Variants in PCDH11Y observed in about 807,000 individuals in gnomAD.
PCDH11Y encodes the protein protocadherin-11 Y-linked.
For synonymous variants in PCDH11Y, 9 were observed against 83.6 expected (o/e 0.11, Z 4.87); for missense variants, 12 against 224.8 (o/e 0.05, Z 6.05).
chrY:5,230,933 G>C, intron 2 of PCDH11Y, among the ~76,000 whole-genome samples: 1 of 28,207 alleles, frequency 3.5e-5, no homozygotes, highest in Non-Finnish European at 8.2e-5. Flanking sequence ...ATTAAAGGAT[G>C]ATGATGCATT....
At chrY:5,284,892 G>A in intron 2 of PCDH11Y, among the ~76,000 whole-genome samples, 1 of 23,561 alleles carries the variant, frequency 4.2e-5, no homozygotes, top group Non-Finnish European at 9.9e-5. Context: ...TTGATTCCTG[G>A]GGAATTAATT....
intron 2 of PCDH11Y, among the ~76,000 whole-genome samples, chrY:5,357,546 A>G: frequency 6.2e-5 from 2 of 32,377 alleles, no homozygotes; most frequent in African/African-American, 2.4e-4. Flanking sequence ...TTAGAAGGAA[A>G]ACAACACAAA....
At chrY:5,727,887 C>T in intron 4 of PCDH11Y, among the ~76,000 whole-genome samples, 1 of 32,538 alleles carries the variant, frequency 3.1e-5, no homozygotes, top group Non-Finnish European at 7.6e-5. Context: ...AGAACACTTT[C>T]ATTACTCCCA....
chrY:5,481,478 G>A, intron 2 of PCDH11Y, among the ~76,000 whole-genome samples: 3 of 32,583 alleles, frequency 9.2e-5, no homozygotes, highest in African/African-American at 2.4e-4. Flanking sequence ...GTGCCTATTC[G>A]GCCACCTTGG....
At chrY:5,708,238 A>C in intron 4 of PCDH11Y, among the ~76,000 whole-genome samples, 1 of 33,431 alleles carries the variant, frequency 3.0e-5, no homozygotes, top group African/African-American at 1.2e-4. Flanking sequence ...GACCTCTCCT[A>C]CAAAAAATGC....
intron 2 of PCDH11Y, among the ~76,000 whole-genome samples, chrY:5,280,284 C>A (rs1602898915): frequency 3.1e-5 from 1 of 32,234 alleles, no homozygotes; most frequent in East Asian, 8.2e-4. Flanking sequence ...CTCCTCCCAC[C>A]CTTCACCGTC....
chrY:5,562,532 C>T, intron 3 of PCDH11Y, among the ~76,000 whole-genome samples: 1 of 31,779 alleles, frequency 3.1e-5, no homozygotes, highest in South Asian at 6.9e-4. Flanking sequence ...GAGGCTGAGG[C>T]GGGTGGATCA....
At chrY:5,479,411 G>C in intron 2 of PCDH11Y, among the ~76,000 whole-genome samples, 1 of 33,845 alleles carries the variant, frequency 3.0e-5, no homozygotes, top group East Asian at 7.8e-4. Context: ...CTGTTAGTCT[G>C]ACGGACTTCC....
intron 2 of PCDH11Y, among the ~76,000 whole-genome samples, chrY:5,254,901 T>G: frequency 6.4e-5 from 2 of 31,091 alleles, no homozygotes; most frequent in Admixed American, 6.1e-4. Flanking sequence ...TTTATTTTAG[T>G]TTTTTTTTAA....
intron 2 of PCDH11Y, among the ~76,000 whole-genome samples, chrY:5,233,418 T>C (rs2052970408): frequency 6.7e-3 from 225 of 33,368 alleles, no homozygotes; most frequent in African/African-American, 0.025. Context: ...GATGCCAATA[T>C]GTTTTCTTTA....
intron 4 of PCDH11Y, among the ~76,000 whole-genome samples, chrY:5,676,541 G>C: frequency 3.1e-5 from 1 of 32,080 alleles, no homozygotes; most frequent in Non-Finnish European, 7.6e-5. Context: ...TTTATGCTCT[G>C]CTTCCTCTTA....
At chrY:5,349,050 C>A in intron 2 of PCDH11Y, among the ~76,000 whole-genome samples, 1 of 31,930 alleles carries the variant, frequency 3.1e-5, no homozygotes. Context: ...ATCGCTTGAA[C>A]CTGGGAGATG....
intron 2 of PCDH11Y, among the ~76,000 whole-genome samples, chrY:5,283,830 T>C (rs2053056941): frequency 3.1e-5 from 1 of 31,934 alleles, no homozygotes; most frequent in Non-Finnish European, 7.7e-5. Context: ...AAAACCTAAC[T>C]ATAATAATGA....
At chrY:5,283,561 G>C in intron 2 of PCDH11Y, among the ~76,000 whole-genome samples, 3 of 31,781 alleles carry the variant, frequency 9.4e-5, no homozygotes, top group Admixed American at 6.0e-4. Flanking sequence ...GTTCCCAAGT[G>C]TTTCTAAAAT....
chrY:5,214,360 TG>T (rs2052943434), intron 2 of PCDH11Y, among the ~76,000 whole-genome samples: 1 of 33,116 alleles, frequency 3.0e-5, no homozygotes, highest in African/African-American at 1.2e-4. Flanking sequence ...TTCTTGGATC[TG>T]TAGGTTTGTG....
At chrY:5,283,731 A>G in intron 2 of PCDH11Y, among the ~76,000 whole-genome samples, 1 of 28,674 alleles carries the variant, frequency 3.5e-5, no homozygotes, top group Non-Finnish European at 8.4e-5. Context: ...TGTGCTTAAA[A>G]GCAAAAGGGC....
At chrY:5,434,981 C>A in intron 2 of PCDH11Y, among the ~76,000 whole-genome samples, 2 of 33,333 alleles carry the variant, frequency 6.0e-5, no homozygotes, top group Non-Finnish European at 1.5e-4. Flanking sequence ...ACATATTCAA[C>A]AGGTTACAGG....
intron 4 of PCDH11Y, among the ~76,000 whole-genome samples, chrY:5,726,651 C>T (rs373759532): frequency 6.1e-5 from 2 of 33,012 alleles, no homozygotes; most frequent in South Asian, 1.3e-3. Context: ...TTACATCTCA[C>T]GAAAATTGTT....
At chrY:5,306,584 A>G (rs2053091095) in intron 2 of PCDH11Y, among the ~76,000 whole-genome samples, 17 of 32,322 alleles carry the variant, frequency 5.3e-4, no homozygotes, top group African/African-American at 1.9e-3. Context: ...GGGTAGGTAC[A>G]GTTTATTATC....
Sources: allele counts gnomAD v4.1 joint callset (sites outside exome capture counted in the v4.1 genomes callset), GRCh38; gene constraint gnomAD v4.1.1; transcripts MANE v1.5; gene names NCBI Gene and HGNC (gene_info 2026-07-23, HGNC 2026-07-21).